The following ATP8B1 variants were observed in gnomAD, a reference collection of about 807,000 sequenced individuals.
ATP8B1 encodes ATPase phospholipid transporting 8B1.
ATP8B1 carries 80 observed loss-of-function variants against 149.9 expected under a neutral mutation model. The observed-to-expected ratio is 0.53, with a 90% CI of 0.45 to 0.64. The LOEUF is 0.64. Among genes scored for constraint, ATP8B1 ranks in the 30% least tolerant of loss-of-function variants. ATP8B1 has a pLI of 0.00. For missense variants in ATP8B1, 1,247 were observed against 1,552.6 expected (o/e 0.80, Z 3.31); for synonymous variants, 536 against 562.8 (o/e 0.95, Z 0.67).
chr18:57,685,944 C>T (rs1912217316), intron 13 of ATP8B1, among the ~76,000 whole-genome samples: 1 of 145,414 alleles, frequency 6.9e-6, no homozygotes, highest in Non-Finnish European at 1.5e-5. Flanking sequence ...AAAACAAAAA[C>T]AAAACCAAAA....
intron 1 of ATP8B1, chr18:57,737,010 A>G (rs1474491233): frequency 6.6e-6 from 1 of 152,098 alleles, no homozygotes; most frequent in African/African-American, 2.4e-5. Flanking sequence ...CATTTTAGCC[A>G]TTTTGTTTTG....
rs759044685 is a variant in ATP8B1, at chr18:57,706,511, A to G, written c.258T>C (p.Cys86=). The G allele has an allele frequency of 6.2e-7, 1 of 1,613,966 alleles. No homozygotes were observed. Among genetic ancestry groups the G allele is most frequent in the Admixed American group, 1.7e-5 (1 of 60,016 alleles). ...QPHFMNTKFL[C]IKESKYANNA... Reference sequence around the variant, plus strand: ...TCACCGCATATTTACTCTCCTTAATACACAAGAATTTTGTGTTCATAAAGT... The same window carrying G: ...TCACCGCATATTTACTCTCCTTAATGCACAAGAATTTTGTGTTCATAAAGT... Residue 86 remains cysteine (C), a synonymous_variant, in exon 3 of 28, where the codon TGT becomes TGC. Transcript: ENST00000648908.
chr18:57,682,369 A>C (rs1360730069), intron 15 of ATP8B1, among the ~76,000 whole-genome samples: 4 of 152,272 alleles, frequency 2.6e-5, no homozygotes, highest in East Asian at 1.9e-4. Context: ...GTTCTCAGAG[A>C]GGGACCCAGA....
At chr18:57,660,581 C>T (rs985833701) in intron 22 of ATP8B1, among the ~76,000 whole-genome samples, 2 of 152,268 alleles carry the variant, frequency 1.3e-5, no homozygotes, top group East Asian at 3.9e-4. Flanking sequence ...TGCAGTGGCA[C>T]GATCTCAGCT....
chr18:57,790,110 C>G (rs1454571860), intron 1 of ATP8B1, among the ~76,000 whole-genome samples: 1 of 152,180 alleles, frequency 6.6e-6, no homozygotes, highest in Non-Finnish European at 1.5e-5. Context: ...GAATTGTCAA[C>G]AATTCTCTTC....
chr18:57,756,591 C>T (rs2080086891), intron 1 of ATP8B1, among the ~76,000 whole-genome samples: 1 of 151,994 alleles, frequency 6.6e-6, no homozygotes, highest in Non-Finnish European at 1.5e-5. Flanking sequence ...AGCCACTGTG[C>T]CCGGCCTCCA....
At chr18:57,725,170 G>A (rs867733354) in intron 2 of ATP8B1, among the ~76,000 whole-genome samples, 52 of 135,304 alleles carry the variant, frequency 3.8e-4, no homozygotes, top group Non-Finnish European at 5.3e-4. Context: ...GTTAGTGGGT[G>A]CAGCGCACCA....
At chr18:57,745,276 A>T (rs533376070) in intron 1 of ATP8B1, among the ~76,000 whole-genome samples, 466 of 146,988 alleles carry the variant, frequency 3.2e-3, no homozygotes, top group Non-Finnish European at 4.8e-3. Context: ...ACTGAAACAA[A>T]TTTTTTTTTT....
At chr18:57,769,636 G>A (rs766965970) in intron 1 of ATP8B1, among the ~76,000 whole-genome samples, 11 of 152,222 alleles carry the variant, frequency 7.2e-5, no homozygotes, top group East Asian at 1.9e-4. Flanking sequence ...AAATGCCATC[G>A]GACTATCTCA....
At chr18:57,771,482 G>A (rs548810763) in intron 1 of ATP8B1, among the ~76,000 whole-genome samples, 35 of 152,132 alleles carry the variant, frequency 2.3e-4, no homozygotes, top group African/African-American at 8.2e-4. Flanking sequence ...ATTACGAAAT[G>A]GTCTGAGATA....
At chr18:57,774,142 C>T (rs562665367) in intron 1 of ATP8B1, among the ~76,000 whole-genome samples, 6 of 152,320 alleles carry the variant, frequency 3.9e-5, no homozygotes, top group African/African-American at 1.4e-4. Context: ...CTGGAATGCT[C>T]TTCCCCCGTA....
intron 20 of ATP8B1, among the ~76,000 whole-genome samples, chr18:57,664,114 G>A (rs1196445139): frequency 7.1e-6 from 1 of 140,238 alleles, no homozygotes; most frequent in African/African-American, 2.7e-5. Context: ...ATTTTACTAT[G>A]TCTCGATTCA....
At chr18:57,671,357 C>T (rs1911208703) in intron 17 of ATP8B1, 111 bp downstream of exon 17, 2 of 971,084 alleles carry the variant, frequency 2.1e-6, no homozygotes, top group Non-Finnish European at 3.3e-6. Context: ...CCAACTATTG[C>T]AAAGCAAAGG....
intron 20 of ATP8B1, among the ~76,000 whole-genome samples, chr18:57,664,491 G>GCGAGAC: frequency 8.8e-6 from 1 of 113,624 alleles, no homozygotes. Context: ...GGGTGACAGA[G>GCGAGAC]TCTTTCTAAG....
chr18:57,658,667 G>GTGTGT lies in ATP8B1; in HGVS notation c.2707+2506_2707+2507insACACA, dbSNP rs1555688369. Among the ~76,000 whole-genome samples the GTGTGT allele has an allele frequency of 4.9e-5, 6 of 121,430 alleles. No homozygotes were observed. The East Asian group carries it at 1.1e-3, about 22-fold the overall frequency. The allele number at this position is 121,430 out of a possible 152,430, so 79.7% of individuals were successfully genotyped here. A position where few individuals can be genotyped will look rare whatever the true frequency, so the allele number is the denominator to read the frequency against. On this transcript the variant is annotated intron_variant, in intron 22 of 27. Transcript: ENST00000648908. ...TGTGTGTGTGTGTGTGTGTGTGTGT[G>GTGTGT]TTCTTTTTTGTTGTTGGAGAAAGGG...
Position 57,671,516 on chromosome 18 carries a change from C to T in ATP8B1, c.1884G>A (p.Arg628=), listed in dbSNP as rs1181114465. ...GCTTAGTAGGATTCATTCGATGTAACCGTTCATAAATAACAGTGTCAGCAC... is the reference window on the plus strand; with the variant it reads ...GCTTAGTAGGATTCATTCGATGTAATCGTTCATAAATAACAGTGTCAGCAC... ...CKGADTVIYE[R]LHRMNPTKQE... Residue 628 remains arginine, a synonymous_variant, in exon 17 of 28, where the codon CGG becomes CGA. Transcript: ENST00000648908. 6.2e-7 allele frequency: 1 copy of T among 1,614,116 alleles called. No individual in the cohort carries two copies. Among genetic ancestry groups the T allele is most frequent in the Non-Finnish European group, 8.5e-7 (1 of 1,179,992 alleles).
rs139511564 is a variant in ATP8B1 at position 57,697,677 on chromosome 18, G to A, written c.639C>T (p.Leu213=). 12 of 1,613,942 alleles carry A rather than the reference G, an allele frequency of 7.4e-6. No individual in the cohort carries two copies. In the South Asian group the frequency reaches 9.9e-5, roughly 13 times the overall value. ...KKNDFVPADI[L]LLSSSEPNSL... ...TGTTAGGCTCAGAGCTAGACAGCAGGAGAATGTCAGCCTGTCCAAAACAAA... is the reference window on the plus strand; with the variant it reads ...TGTTAGGCTCAGAGCTAGACAGCAGAAGAATGTCAGCCTGTCCAAAACAAA... Residue 213 remains leucine, a synonymous_variant, in exon 8 of 28, where the codon CTC becomes CTT. Coordinates refer to ENST00000648908, the MANE Select transcript of ATP8B1 (RefSeq NM_001374385.1).
intron 1 of ATP8B1, among the ~76,000 whole-genome samples, chr18:57,782,652 A>G (rs11152032): frequency 0.23 from 35,491 of 152,002 alleles, 4,912 homozygotes; most frequent in East Asian, 0.53. Flanking sequence ...CAGACAAAAA[A>G]TTCTTCAGTC....
At chr18:57,701,793 T>G (rs1238026504) in intron 4 of ATP8B1, among the ~76,000 whole-genome samples, 2 of 151,588 alleles carry the variant, frequency 1.3e-5, no homozygotes, top group East Asian at 3.9e-4. Flanking sequence ...CCTCCCAGGC[T>G]CAAGCGATTC....
Sources: allele counts gnomAD v4.1 joint callset (sites outside exome capture counted in the v4.1 genomes callset), GRCh38; gene constraint gnomAD v4.1.1; transcripts MANE v1.5; gene names NCBI Gene and HGNC (gene_info 2026-07-23, HGNC 2026-07-21).